Variants in TRIM5 observed in about 807,000 individuals in gnomAD.
The protein encoded by TRIM5 is tripartite motif-containing protein 5.
A neutral mutation model predicts 35.6 loss-of-function variants in TRIM5; 31 were observed. The ratio of observed to expected loss-of-function variants is 0.87; its 90% CI spans 0.65 to 1.18. The LOEUF (loss-of-function observed/expected upper bound fraction) is 1.18. Ranked by LOEUF, TRIM5 falls within the 50% of genes most tolerant of loss-of-function variation. TRIM5 has a pLI of 0.00. For synonymous variants in TRIM5, 243 were observed against 215.6 expected (o/e 1.13, Z -1.11); for missense variants, 609 against 591.6 (o/e 1.03, Z -0.31).
At chr11:5,627,068 T>G in the TRIM5 span, among the ~76,000 whole-genome samples, 1 of 151,936 alleles carries the variant, frequency 6.6e-6, no homozygotes, top group Non-Finnish European at 1.5e-5. Flanking sequence ...AGAACAGAGA[T>G]GAGAGCAGAG....
chr11:5,633,788 G>T, the TRIM5 span: 26 of 1,611,788 alleles, frequency 1.6e-5, no homozygotes, highest in Middle Eastern at 1.7e-4. Flanking sequence ...ACTGTAGTGT[G>T]ATTCCCTTCT....
chr11:5,630,330 T>C, the TRIM5 span, among the ~76,000 whole-genome samples: 1 of 152,202 alleles, frequency 6.6e-6, no homozygotes. Flanking sequence ...TCCAATCTTA[T>C]TTCCTTTACC....
chr11:5,666,216 A>G, intron 5 of TRIM5, 135 bp from the exon 6 acceptor site: 1 of 761,182 alleles, frequency 1.3e-6, no homozygotes, highest in Non-Finnish European at 2.2e-6. Flanking sequence ...GGGAGAGTGC[A>G]AACTCTTGAC....
At chr11:5,645,235 T>C in the TRIM5 span, among the ~76,000 whole-genome samples, 1 of 151,688 alleles carries the variant, frequency 6.6e-6, no homozygotes, top group East Asian at 1.9e-4. Flanking sequence ...CTACTAAAAA[T>C]ACAAAAATTA....
chr11:5,620,048 CT>C, the TRIM5 span: 1 of 150,816 alleles, frequency 6.6e-6, no homozygotes, highest in East Asian at 2.0e-4. Context: ...GCTGTTTATT[CT>C]GTGTTTACCT....
chr11:5,684,661 G>C (rs761719045), intron 1 of TRIM5, among the ~76,000 whole-genome samples: 1 of 152,186 alleles, frequency 6.6e-6, no homozygotes, highest in Non-Finnish European at 1.5e-5. Context: ...AAAAAGTATA[G>C]AGTAGGGAGG....
chr11:5,659,057 C>G (rs574942275), downstream of TRIM5, among the ~76,000 whole-genome samples: 4 of 152,012 alleles, frequency 2.6e-5, no homozygotes, highest in Non-Finnish European at 5.9e-5. Context: ...ATGTAAATGA[C>G]GAGTTAATGG....
the TRIM5 span, chr11:5,603,772 G>A: frequency 6.2e-7 from 1 of 1,604,496 alleles, no homozygotes; most frequent in Non-Finnish European, 8.5e-7. Context: ...CAGAGAAACA[G>A]GGTCTTTGGC....
At chr11:5,651,000 G>A in the TRIM5 span, among the ~76,000 whole-genome samples, 2 of 152,126 alleles carry the variant, frequency 1.3e-5, no homozygotes, top group Non-Finnish European at 2.9e-5. Flanking sequence ...CAACTGCAGA[G>A]CATTATCTTA....
chr11:5,666,043 G>A lies in TRIM5; in HGVS notation c.806C>T (p.Pro269Leu), dbSNP rs754125460. Reference sequence around the variant, plus strand: ...TCGAAACACTCTCCTTTGATTTTTTGGAAAAGTTTCTGGCTTCTTCAAGGT... The same window carrying A: ...TCGAAACACTCTCCTTTGATTTTTTAGAAAAGTTTCTGGCTTCTTCAAGGT... Reference protein sequence around the residue: ...NVTLKKPETFPKNQRRVFRAP... With the variant: ...NVTLKKPETFLKNQRRVFRAP... The change falls in exon 6 of 8, where the codon CCA becomes CTA. Residue 269 changes from proline to leucine, a missense_variant. Transcript: ENST00000380034. 1 of 1,611,814 alleles carries A rather than the reference G, an allele frequency of 6.2e-7. No homozygotes were observed. Among genetic ancestry groups the A allele is most frequent in the Admixed American group, 1.7e-5 (1 of 59,728 alleles).
the TRIM5 span, chr11:5,610,633 C>T: frequency 6.3e-7 from 1 of 1,580,972 alleles, no homozygotes; most frequent in African/African-American, 1.3e-5. Flanking sequence ...CCAGACATAG[C>T]CACACAGATC....
the TRIM5 span, among the ~76,000 whole-genome samples, chr11:5,602,681 C>T: frequency 4.6e-5 from 7 of 151,742 alleles, no homozygotes; most frequent in Non-Finnish European, 8.8e-5. Flanking sequence ...TCTCCAGGTG[C>T]GGTGGCTCAT....
chr11:5,649,196 C>T, the TRIM5 span, among the ~76,000 whole-genome samples: 10 of 152,166 alleles, frequency 6.6e-5, no homozygotes, highest in Non-Finnish European at 1.2e-4. Flanking sequence ...TTATGTAACA[C>T]CAACCACACT....
At chr11:5,620,647 G>GTC in the TRIM5 span, among the ~76,000 whole-genome samples, 8,931 of 152,218 alleles carry the variant, frequency 0.059, 344 homozygotes, top group East Asian at 0.17. Context: ...GCCCAGCTAA[G>GTC]TCTCCATTTT....
the TRIM5 span, among the ~76,000 whole-genome samples, chr11:5,651,358 T>C: frequency 6.6e-6 from 1 of 152,184 alleles, no homozygotes; most frequent in African/African-American, 2.4e-5. Context: ...GTAATAAGCA[T>C]AGTACCCAGT....
In TRIM5 at chr11:5,664,672, A is replaced by G; in HGVS notation, c.*137T>C. ...ACAAGGCAATTATTACATTTTACTGATGAGTGAAGGACGTTCAAATAGAAA... is the reference window on the plus strand; with the variant it reads ...ACAAGGCAATTATTACATTTTACTGGTGAGTGAAGGACGTTCAAATAGAAA... On this transcript the variant is annotated 3_prime_UTR_variant, in exon 8 of 8. Transcript: ENST00000380034. The G allele has an allele frequency of 7.0e-7, 1 of 1,428,726 alleles. No homozygotes were observed. The allele number at this position is 1,428,726 out of a possible 1,614,324, so 88.5% of individuals were successfully genotyped here.
chr11:5,642,878 CA>C, the TRIM5 span: 1 of 1,612,866 alleles, frequency 6.2e-7, no homozygotes, highest in Non-Finnish European at 8.5e-7. Flanking sequence ...AACTGTTTTC[CA>C]ATTACCTTTC....
chr11:5,608,100 T>C, the TRIM5 span, among the ~76,000 whole-genome samples: 1 of 152,188 alleles, frequency 6.6e-6, no homozygotes, highest in Non-Finnish European at 1.5e-5. Flanking sequence ...TGACAAATAA[T>C]ACATGCTATA....
chr11:5,606,335 G>C, the TRIM5 span, among the ~76,000 whole-genome samples: 1 of 152,164 alleles, frequency 6.6e-6, no homozygotes, highest in Non-Finnish European at 1.5e-5. Flanking sequence ...ATTTGATGGA[G>C]GGACTTGAAC....
Sources: allele counts gnomAD v4.1 joint callset (sites outside exome capture counted in the v4.1 genomes callset), GRCh38; gene constraint gnomAD v4.1.1; transcripts MANE v1.5; gene names NCBI Gene and HGNC (gene_info 2026-07-23, HGNC 2026-07-21).